Variants in ATP2C1 observed in about 807,000 individuals in gnomAD.
The protein encoded by ATP2C1 is calcium-transporting ATPase type 2C member 1.
ATP2C1 carries 31 observed loss-of-function variants against 120.5 expected under a neutral mutation model. That is an observed-to-expected ratio of 0.26 (90% CI 0.19 to 0.35). The LOEUF (loss-of-function observed/expected upper bound fraction) is 0.35. Ranked by LOEUF, ATP2C1 falls within the 10% of genes least tolerant of loss-of-function variation. The probability of loss-of-function intolerance (pLI) is 1.00; values close to 1 mark genes in which losing one functional copy is unlikely to be tolerated. For missense variants in ATP2C1, 731 were observed against 1,107.5 expected (o/e 0.66, Z 4.83); for synonymous variants, 351 against 358.7 (o/e 0.98, Z 0.24).
chr3:130,929,168 A>G (rs1559935081), intron 2 of ATP2C1, among the ~76,000 whole-genome samples: 1 of 152,172 alleles, frequency 6.6e-6, no homozygotes, highest in Non-Finnish European at 1.5e-5. Flanking sequence ...TTATTCACCG[A>G]TATCTCCTCA....
rs2069428724 is a variant in ATP2C1 at position 130,894,691 on chromosome 3, C to T, written c.-79C>T. 1.2e-6 allele frequency: 2 copies of T among 1,613,922 alleles called. No individual in the cohort carries two copies. Among genetic ancestry groups the T allele is most frequent in the South Asian group, 1.1e-5 (1 of 91,052 alleles). On this transcript the variant is annotated 5_prime_UTR_variant, in exon 2 of 28. Transcript: ENST00000510168. This position sits in a 1 kb window ranked among gnomAD's most constrained non-coding sequence, Gnocchi z 4.5. ...GGCTTCTCTTCCTTGTCCTCCTCCTCTCCTCTCTATTCCCAGTGTGGCCGT... is the reference window on the plus strand; with the variant it reads ...GGCTTCTCTTCCTTGTCCTCCTCCTTTCCTCTCTATTCCCAGTGTGGCCGT...
intron 3 of ATP2C1, among the ~76,000 whole-genome samples, chr3:130,931,361 A>G (rs2059441211): frequency 6.6e-6 from 1 of 152,132 alleles, no homozygotes; most frequent in South Asian, 2.1e-4. Flanking sequence ...AACTGTTCCA[A>G]GAAGAAGTTC....
chr3:130,978,087 C>T (rs1285240847), intron 18 of ATP2C1, among the ~76,000 whole-genome samples: 2 of 152,096 alleles, frequency 1.3e-5, no homozygotes, highest in Non-Finnish European at 2.9e-5. Context: ...CTGATCTTTC[C>T]GTCTTAGGAT....
At position 130,938,194 on chromosome 3, in the gene ATP2C1, T is replaced by G. The variant is rs369158393; in HGVS notation, c.360+731T>G. Among the ~76,000 whole-genome samples, 4 of 152,216 alleles carry G rather than the reference T, an allele frequency of 2.6e-5. No homozygotes were observed. In the East Asian group the frequency reaches 5.8e-4, roughly 22 times the overall value. On this transcript the variant is annotated intron_variant, in intron 6 of 27. Transcript: ENST00000510168. ...ATAATGTGGAGATACTGTCAAGATT[T>G]CTATTAATAAGTACAGACAAATAAA...
At chr3:130,964,900 T>C (rs773554666) in intron 13 of ATP2C1, 48 bp from the exon 14 acceptor site, 42 of 1,393,382 alleles carry the variant, frequency 3.0e-5, no homozygotes, top group Admixed American at 2.9e-4. Context: ...AGTGAACCTA[T>C]ATTTCTCCTT....
chr3:130,865,283 T>C (rs2068134608), intron 1 of ATP2C1, among the ~76,000 whole-genome samples: 1 of 152,230 alleles, frequency 6.6e-6, no homozygotes, highest in Admixed American at 6.5e-5. Flanking sequence ...TGGCCACATT[T>C]ACCCAATACC....
intron 21 of ATP2C1, 32 bp from the exon 22 acceptor site, chr3:130,993,900 C>T: frequency 6.2e-7 from 1 of 1,613,120 alleles, no homozygotes; most frequent in African/African-American, 1.3e-5. Context: ...ATCAAAATTC[C>T]TTCCTCTCCC....
At chr3:130,850,865 A>T in exon 1 of ATP2C1, 1 of 1,448,766 alleles carries the variant, frequency 6.9e-7, no homozygotes, top group Non-Finnish European at 9.1e-7. Context: ...ATTTCAAAAA[A>T]TATCCTCTCC....
At chr3:130,962,171 C>T (rs1179970946) in intron 12 of ATP2C1, among the ~76,000 whole-genome samples, 1 of 151,850 alleles carries the variant, frequency 6.6e-6, no homozygotes, top group Non-Finnish European at 1.5e-5. Flanking sequence ...ATGCTGAAGG[C>T]TGGTATGAAT....
chr3:130,878,025 A>G (rs1384482460), intron 1 of ATP2C1, among the ~76,000 whole-genome samples: 1 of 151,712 alleles, frequency 6.6e-6, no homozygotes, highest in African/African-American at 2.4e-5. Context: ...ATTCTGAGCA[A>G]ACTATCACAA....
chr3:131,012,896 AAG>A (rs2063384726), intron 26 of ATP2C1, among the ~76,000 whole-genome samples: 2 of 152,152 alleles, frequency 1.3e-5, no homozygotes, highest in Non-Finnish European at 2.9e-5. Context: ...TTATTTCTCT[AAG>A]AGTATGGTAA....
chr3:130,953,750 GATGGTT>G, intron 8 of ATP2C1, 65 bp from the exon 9 acceptor site: 1 of 1,506,494 alleles, frequency 6.6e-7, no homozygotes, highest in East Asian at 2.3e-5. Flanking sequence ...AAGAAGTGAT[GATGGTT>G]ATGAACTCTA....
chr3:130,893,813 G>T (rs1311434942), upstream of ATP2C1, among the ~76,000 whole-genome samples: 1 of 152,200 alleles, frequency 6.6e-6, no homozygotes, highest in Non-Finnish European at 1.5e-5. Flanking sequence ...CTGGGGTAAG[G>T]GAGGCGCCAG....
chr3:130,867,861 G>A lies in ATP2C1; in HGVS notation c.108+16933G>A, dbSNP rs1195352175. On this transcript the variant is annotated intron_variant, in intron 1 of 26. Transcript: ENST00000504381. ...AGGAAGCGAGGAGCGCCTCTTCCCC[G>A]CCGCCATCACATCTAGGAAGTGAGG... The A allele has an allele frequency of 5.6e-3, 978 of 173,888 alleles. 3 individuals are homozygous for A. The highest frequency in any genetic ancestry group is 0.023 in the African/African-American group (893 of 38,152). 10.8% of individuals were successfully genotyped at this position (173,888 alleles called of 1,614,324 possible).
intron 2 of ATP2C1, chr3:130,927,883 CTTGTCACTG>C (rs1402703259): frequency 1.3e-5 from 2 of 154,460 alleles, no homozygotes; most frequent in Non-Finnish European, 2.9e-5. Flanking sequence ...ATGACAGACT[CTTGTCACTG>C]TTGTCAAAGG....
At chr3:130,997,279 A>G (rs935683929) in intron 24 of ATP2C1, among the ~76,000 whole-genome samples, 3 of 152,186 alleles carry the variant, frequency 2.0e-5, no homozygotes, top group Admixed American at 6.5e-5. Context: ...ACCTCTTTAT[A>G]TGAAAGATAT....
intron 14 of ATP2C1, among the ~76,000 whole-genome samples, chr3:130,965,558 C>G (rs564290619): frequency 6.6e-6 from 1 of 152,220 alleles, no homozygotes; most frequent in East Asian, 1.9e-4. Context: ...CGTACATGTT[C>G]TGTCCCTTAT....
chr3:130,993,063 G>A, intron 21 of ATP2C1, 62 bp downstream of exon 21: 1 of 1,441,912 alleles, frequency 6.9e-7, no homozygotes, highest in Non-Finnish European at 9.7e-7. Flanking sequence ...CTTTACTTTT[G>A]TTATGTTTGC....
In ATP2C1 at chr3:130,996,118, T is replaced by G. The variant is rs1287368071; in HGVS notation, c.2126+7T>G. Reference sequence around the variant, plus strand: ...TTAGATTCCAGCTGAGCACGTAAGTTTGCAAGAAATTTGTCACCATGGGTC... The same window carrying G: ...TTAGATTCCAGCTGAGCACGTAAGTGTGCAAGAAATTTGTCACCATGGGTC... On this transcript the variant is annotated splice_region_variant and intron_variant, in intron 23 of 27. Transcript: ENST00000510168. 2 of 1,601,558 alleles carry G rather than the reference T, an allele frequency of 1.2e-6. No individual in the cohort carries two copies. The highest frequency in any genetic ancestry group is 1.7e-5 in the Admixed American group (1 of 60,012).
Sources: allele counts gnomAD v4.1 joint callset (sites outside exome capture counted in the v4.1 genomes callset), GRCh38; gene constraint gnomAD v4.1.1; non-coding constraint Gnocchi (gnomAD v3.1); transcripts MANE v1.5; gene names NCBI Gene and HGNC (gene_info 2026-07-23, HGNC 2026-07-21).